Variants in NOMO1 observed in about 807,000 individuals in gnomAD.
NOMO1 encodes the protein NODAL modulator 1, also known as nodal modulator 3.
Under a neutral mutation model 133.8 loss-of-function variants are expected in NOMO1, and 40 were observed. The observed-to-expected ratio is 0.30, with a 90% CI of 0.23 to 0.39. NOMO1 has a LOEUF of 0.39. Ranked by LOEUF, NOMO1 falls within the 10% of genes least tolerant of loss-of-function variation. NOMO1 has a pLI of 1.00. For missense variants in NOMO1, 462 were observed against 1,419.9 expected (o/e 0.33, Z 10.84); for synonymous variants, 236 against 570.5 (o/e 0.41, Z 8.36).
chr16:14,853,740 T>C (rs1438444095), intron 8 of NOMO1, 136 bp downstream of exon 8: 14 of 907,626 alleles, frequency 1.5e-5, no homozygotes, highest in Non-Finnish European at 2.5e-5. Context: ...GTAACTTACT[T>C]AAGATGAGAC....
intron 1 of NOMO1, among the ~76,000 whole-genome samples, chr16:14,836,587 T>C (rs1163876090): frequency 6.6e-6 from 1 of 151,914 alleles, no homozygotes; most frequent in African/African-American, 2.4e-5. Context: ...CAGGTACATT[T>C]AGGAAATTTT....
chr16:14,844,680 C>A lies in NOMO1; in HGVS notation c.308C>A (p.Thr103Lys). The A allele has an allele frequency of 1.7e-6, 1 of 603,236 alleles. No homozygotes were observed. The highest frequency in any genetic ancestry group is 2.4e-5 in the African/African-American group (1 of 41,766). The allele number at this position is 603,236 out of a possible 1,614,324, so 37.4% of individuals were successfully genotyped here. A position where few individuals can be genotyped will look rare whatever the true frequency, so the allele number is the denominator to read the frequency against. ...EPPLGWSFEP[T>K]TVELHVDGVS... Reference sequence around the variant, plus strand: ...CCCCTGCTTCGTTCCTCAGAGCCGACGACCGTGGAGCTCCATGTGGATGGA... The same window carrying A: ...CCCCTGCTTCGTTCCTCAGAGCCGAAGACCGTGGAGCTCCATGTGGATGGA... Residue 103 changes from threonine (T) to lysine (K), a missense_variant, in exon 4 of 31, where the codon ACG becomes AAG. Physicochemically the swap from Thr to Lys is moderately conservative, Grantham distance 78. Transcript: ENST00000287667.
At chr16:14,893,178 A>C (rs1964431030) in intron 29 of NOMO1, among the ~76,000 whole-genome samples, 1 of 151,456 alleles carries the variant, frequency 6.6e-6, no homozygotes, top group Admixed American at 6.6e-5. Flanking sequence ...CTGCTGAATT[A>C]AACTTTTATT....
At chr16:14,845,520 T>A (rs931722168) in intron 4 of NOMO1, among the ~76,000 whole-genome samples, 3 of 152,010 alleles carry the variant, frequency 2.0e-5, no homozygotes, top group African/African-American at 7.3e-5. Context: ...GTTCTGAGAT[T>A]TTTTTGGACC....
In NOMO1 at chr16:14,838,502, A is replaced by C; in HGVS notation, c.255+6A>C. 6.2e-7 allele frequency: 1 copy of C among 1,611,760 alleles called. No individual in the cohort carries two copies. On this transcript the variant is annotated splice_donor_region_variant and intron_variant, in intron 2 of 30. Transcript: ENST00000287667. ...TGATCCCTTTGTATGATAAGGTAAG[A>C]GGGGACTGCTTGTCACTTATGATGG...
chr16:14,864,567 C>G lies in NOMO1; in HGVS notation c.1396-18C>G, dbSNP rs779443867. On this transcript the variant is annotated intron_variant, in intron 12 of 30. Coordinates refer to ENST00000287667, the MANE Select transcript of NOMO1 (RefSeq NM_014287.4). ...CTCCCCGAATGCAGCCTCTAACGTT[C>G]CATCCACGTTTCCACAGGTGATGGT... 6.2e-7 allele frequency: 1 copy of G among 1,613,074 alleles called. No individual in the cohort carries two copies. Among genetic ancestry groups the G allele is most frequent in the Non-Finnish European group, 8.5e-7 (1 of 1,179,482 alleles).
At position 14,844,310 on chromosome 16, in the gene NOMO1, C is replaced by G. The variant is rs1052935980; in HGVS notation, c.302-364C>G. ...GATAATTGTGAGGATTAAAGGCACT[C>G]AGCTCAGTGCCTGGTCGTTGATGAG... On this transcript the variant is annotated intron_variant, in intron 3 of 30. Transcript: ENST00000287667. 1.2e-4 allele frequency among the ~76,000 whole-genome samples: 18 copies of G among 151,918 alleles called. 1 individual carries two copies. The highest frequency in any genetic ancestry group is 4.1e-4 in the African/African-American group (17 of 41,280).
intron 6 of NOMO1, among the ~76,000 whole-genome samples, chr16:14,851,341 A>C (rs1362124784): frequency 2.0e-5 from 3 of 151,922 alleles, no homozygotes; most frequent in African/African-American, 7.3e-5. Context: ...CCAGTACCCA[A>C]TTTGTGACAA....
Position 14,871,631 on chromosome 16 carries a change from A to C in NOMO1, c.1905A>C (p.Lys635Asn). 6.2e-7 allele frequency: 1 copy of C among 1,610,794 alleles called. No individual in the cohort carries two copies. The highest frequency in any genetic ancestry group is 1.7e-5 in the Admixed American group (1 of 59,834). Residue 635 changes from lysine to asparagine, a missense_variant, in exon 17 of 31, where the codon AAA becomes AAC. Coordinates refer to ENST00000287667, the MANE Select transcript of NOMO1 (RefSeq NM_014287.4). ...RFCLSKPGVY[K>N]VTPRSCHRFE... ...ATTTCCTGTCTGTAGGTGTGTACAA[A>C]GTGACCCCTCGCTCCTGCCACCGGT...
rs1441573374 is a variant in NOMO1 at position 14,866,668 on chromosome 16, T to C, written c.1783T>C (p.Ser595Pro). Residue 595 changes from serine (S) to proline (P), a missense_variant, in exon 15 of 31, where the codon TCC becomes CCC. Physicochemically the swap from Ser to Pro is moderately conservative, Grantham distance 74. Transcript: ENST00000287667. ...FRQTGYMLRC[S>P]LSHAITLEFY... is the part of the protein sequence containing the mutation. Reference sequence around the variant, plus strand: ...GCAGACGGGCTACATGCTGAGATGTTCCCTGTCTCACGCCATCACTCTGGT... The same window carrying C: ...GCAGACGGGCTACATGCTGAGATGTCCCCTGTCTCACGCCATCACTCTGGT... 6.2e-7 allele frequency: 1 copy of C among 1,610,048 alleles called. No homozygotes were observed. The highest frequency in any genetic ancestry group is 8.5e-7 in the Non-Finnish European group (1 of 1,179,752).
In NOMO1 at chr16:14,837,268, C is replaced by G. The variant is rs562505418; in HGVS notation, c.166-1139C>G. ...AAGTGATCCTCCTTCTTTGGCCTCC[C>G]AAAATGCTGGGATTACAGGCATGAG... is the stretch of plus-strand genomic sequence containing the variant. On this transcript the variant is annotated intron_variant, in intron 1 of 30. Coordinates refer to ENST00000287667, the MANE Select transcript of NOMO1 (RefSeq NM_014287.4). Among the ~76,000 whole-genome samples the G allele has an allele frequency of 4.6e-5, 7 of 152,182 alleles. No homozygotes were observed. The East Asian group carries it at 1.4e-3, about 30-fold the overall frequency.
At chr16:14,877,560 G>A (rs62038479) in intron 22 of NOMO1, among the ~76,000 whole-genome samples, 17,408 of 132,656 alleles carry the variant, frequency 0.13, 1 homozygote, top group Non-Finnish European at 0.15. Flanking sequence ...GAGCTCCTAA[G>A]ATTGGTAAGA....
At chr16:14,850,384 T>C (rs1963740540) in intron 6 of NOMO1, among the ~76,000 whole-genome samples, 1 of 151,850 alleles carries the variant, frequency 6.6e-6, no homozygotes, top group African/African-American at 2.4e-5. Flanking sequence ...TGCCAGCATC[T>C]TGAATTGTAT....
At position 14,878,704 on chromosome 16, in the gene NOMO1, C is replaced by T; in HGVS notation, c.2644-17C>T. On this transcript the variant is annotated splice_polypyrimidine_tract_variant and intron_variant, in intron 22 of 30. Transcript: ENST00000287667. ...TAGGAGTTTAACCTTGCTCTGGTCT[C>T]ACCTTCTCATCCCCAGATAAAAGCT... 1.2e-6 allele frequency: 2 copies of T among 1,606,774 alleles called. No individual in the cohort carries two copies. The highest frequency in any genetic ancestry group is 1.3e-5 in the African/African-American group (1 of 74,534).
intron 22 of NOMO1, among the ~76,000 whole-genome samples, chr16:14,877,266 CTG>C (rs1185228878): frequency 4.1e-5 from 5 of 122,986 alleles, no homozygotes; most frequent in African/African-American, 1.2e-4. Flanking sequence ...TCATCCATAA[CTG>C]TTCCATTTTG....
chr16:14,879,852 C>T (rs1964217002), intron 23 of NOMO1, among the ~76,000 whole-genome samples, 163 bp from the exon 24 acceptor site: 1 of 151,526 alleles, frequency 6.6e-6, no homozygotes, highest in Admixed American at 6.6e-5. Context: ...ATTGCCACTA[C>T]CTGACTGTGA....
chr16:14,861,961 G>T (rs1963928023), intron 11 of NOMO1, among the ~76,000 whole-genome samples: 1 of 150,288 alleles, frequency 6.7e-6, no homozygotes, highest in Admixed American at 6.7e-5. Flanking sequence ...GAGATAGTGA[G>T]CTCATATGGC....
chr16:14,875,586 T>TG (rs1444884157), intron 20 of NOMO1, among the ~76,000 whole-genome samples, 164 bp downstream of exon 20: 37 of 151,750 alleles, frequency 2.4e-4, no homozygotes, highest in Non-Finnish European at 4.1e-4. Context: ...GATGGATGGA[T>TG]GGATGGATGG....
At chr16:14,892,690 A>G (rs1161615123) in intron 29 of NOMO1, among the ~76,000 whole-genome samples, 1 of 149,062 alleles carries the variant, frequency 6.7e-6, no homozygotes, top group African/African-American at 2.5e-5. Context: ...GAGAGCGCCC[A>G]CTCTGTGCCA....
Sources: gnomAD v4.1 joint callset for allele counts (sites outside exome capture counted in the v4.1 genomes callset) on GRCh38, gnomAD v4.1.1 for gene constraint, MANE v1.5 for transcripts, NCBI Gene and HGNC (gene_info 2026-07-23, HGNC 2026-07-21) for gene names.